The following MDM1 variants were observed in gnomAD, a reference collection of about 807,000 sequenced individuals.
MDM1 encodes stabilizer of axonemal microtubules 6.
In MDM1, 61 loss-of-function variants were observed where a neutral mutation model predicts 89.1. The ratio of observed to expected loss-of-function variants is 0.68; its 90% CI spans 0.56 to 0.85. The LOEUF (loss-of-function observed/expected upper bound fraction) is 0.85, where lower values mean the gene tolerates loss of function less well. Ranked by LOEUF, MDM1 falls within the 40% of genes least tolerant of loss-of-function variation. The pLI is 0.00. For missense variants in MDM1, 820 were observed against 846.5 expected, an observed-to-expected ratio of 0.97 and a Z score of 0.39; for synonymous variants, 290 against 294.1, an observed-to-expected ratio of 0.99 and a Z score of 0.14.
intron 2 of MDM1, chr12:68,330,810 CT>C (rs1371996240): frequency 5.5e-5 from 17 of 309,270 alleles, no homozygotes; most frequent in African/African-American, 2.2e-4. Context: ...AGGGCACTGG[CT>C]TTTTTTAGCT....
chr12:68,296,165 A>C (rs1028526372), intron 14 of MDM1, among the ~76,000 whole-genome samples: 1 of 152,236 alleles, frequency 6.6e-6, no homozygotes, highest in Non-Finnish European at 1.5e-5. Flanking sequence ...TATTGAATTC[A>C]AGTCTCCTGC....
rs145082615 is a variant in MDM1, at chr12:68,326,707, C to T, written c.448G>A (p.Val150Met). Reference sequence around the variant, plus strand: ...ACCTTGGTAGAATGTTCCAGTTCCACATTTTCATTAACTGGTGTATGGTTT... The same window carrying T: ...ACCTTGGTAGAATGTTCCAGTTCCATATTTTCATTAACTGGTGTATGGTTT... The part of the protein sequence containing the change: ...VTNHTPVNEN[V>M]ELEHSTKVLS... Residue 150 changes from valine to methionine, a missense_variant, in exon 3 of 15, where the codon GTG becomes ATG. Transcript: ENST00000682720. 526 of 1,614,172 alleles carry T rather than the reference C, an allele frequency of 3.3e-4. 1 individual carries two copies. The Middle Eastern group carries it at 3.6e-3, about 11-fold the overall frequency.
At chr12:68,312,186 G>A (rs957264945) in intron 12 of MDM1, among the ~76,000 whole-genome samples, 2 of 152,068 alleles carry the variant, frequency 1.3e-5, no homozygotes, top group African/African-American at 2.4e-5. Context: ...AAGCTATAAA[G>A]AGCCTCAAAT....
intron 13 of MDM1, among the ~76,000 whole-genome samples, chr12:68,299,877 A>G (rs1871912181): frequency 6.6e-6 from 1 of 152,226 alleles, no homozygotes; most frequent in Non-Finnish European, 1.5e-5. Context: ...ACCAAGGCAC[A>G]TAGTCATCAG....
rs755638918 is a variant in MDM1 at position 68,325,578 on chromosome 12, G to A, written c.499-3C>T. 7 of 1,507,352 alleles carry A rather than the reference G, an allele frequency of 4.6e-6. No individual in the cohort carries two copies. Among genetic ancestry groups the A allele is most frequent in the East Asian group, 2.4e-5 (1 of 41,408 alleles). 93.4% of individuals were successfully genotyped at this position (1,507,352 alleles called of 1,614,324 possible). ...TTCTTACGCAGAAGTCTATCCAACT[G>A]TTCAAAAAACAAAATCCACTCAAAG... is the stretch of plus-strand genomic sequence containing the variant. On this transcript the variant is annotated splice_region_variant and splice_polypyrimidine_tract_variant and intron_variant, in intron 3 of 14. Coordinates refer to ENST00000682720, the MANE Select transcript of MDM1 (RefSeq NM_001354969.2).
Position 68,313,547 on chromosome 12 carries a change from C to T in MDM1, c.1645G>A (p.Ala549Thr). The T allele has an allele frequency of 8.1e-6, 13 of 1,613,030 alleles. No individual in the cohort carries two copies. The highest frequency in any genetic ancestry group is 1.1e-5 in the Non-Finnish European group (13 of 1,179,204). ...HDLTTPAVGGAVLVSPSKMKP... is the reference protein window; with the variant it reads ...HDLTTPAVGGTVLVSPSKMKP... ...ATCTTAGATGGAGACACTAAAACAG[C>T]ACCACCTGGAAAAATAAAGATGACA... The change falls in exon 12 of 15, where the codon GCT becomes ACT. Residue 549 changes from alanine (A) to threonine (T), a missense_variant. Physicochemically the swap from Ala to Thr is moderately conservative, Grantham distance 58. Transcript: ENST00000682720.
rs576144642 is a variant in MDM1, at chr12:68,302,962, C to T, written c.1750-90G>A. ...AACATTTAAATGCAAAAAACATAAC[C>T]AAAAAGCAGAAGGAGAAATATGAGA... On this transcript the variant is annotated intron_variant, in intron 12 of 14. Transcript: ENST00000682720. 8.4e-5 allele frequency: 100 copies of T among 1,188,052 alleles called. 1 individual carries two copies. In the South Asian group the frequency reaches 1.5e-3, roughly 18 times the overall value. 73.6% of individuals were successfully genotyped at this position (1,188,052 alleles called of 1,614,324 possible). A position where few individuals can be genotyped will look rare whatever the true frequency, so the allele number is the denominator to read the frequency against.
At chr12:68,323,285 G>A in intron 4 of MDM1, 45 bp from the exon 5 acceptor site, 1 of 1,413,684 alleles carries the variant, frequency 7.1e-7, no homozygotes, top group Non-Finnish European at 9.6e-7. Flanking sequence ...GATTAAATAT[G>A]CGGAACTTTG....
Position 68,331,119 on chromosome 12 carries a change from A to G in MDM1, c.121T>C (p.Ser41Pro). The G allele has an allele frequency of 6.3e-7, 1 of 1,593,630 alleles. No homozygotes were observed. The highest frequency in any genetic ancestry group is 8.6e-7 in the Non-Finnish European group (1 of 1,161,284). ...GRKYPWAGLR[S>P]DQLGITKEPS... is the part of the protein sequence containing the mutation. ...CTGCTCAACTTACCTAATTGATCTG[A>G]TCTAAGTCCAGCCCATGGGTACTTT... The change falls in exon 2 of 15, where the codon TCA becomes CCA. Residue 41 changes from serine (S) to proline (P), a missense_variant. Ser to Pro is a moderately conservative substitution (Grantham distance 74, BLOSUM62 -1). Transcript: ENST00000682720.
At chr12:68,325,796 TA>T (rs920091989) in intron 3 of MDM1, 11 of 1,178,634 alleles carry the variant, frequency 9.3e-6, no homozygotes, top group Non-Finnish European at 9.4e-6. Context: ...AATTCCTTTC[TA>T]TCAAAGGACT....
At chr12:68,321,749 T>C in intron 5 of MDM1, 121 bp from the exon 6 acceptor site, 2 of 560,348 alleles carry the variant, frequency 3.6e-6, no homozygotes, top group East Asian at 3.0e-5. Flanking sequence ...AAGCTTTAGA[T>C]ACTAAAGAAA....
At chr12:68,303,673 C>T (rs1872521885) in intron 12 of MDM1, among the ~76,000 whole-genome samples, 1 of 151,966 alleles carries the variant, frequency 6.6e-6, no homozygotes, top group Admixed American at 6.6e-5. Flanking sequence ...GATTGCACGT[C>T]GCCATAAAAA....
At chr12:68,313,957 C>T (rs1874086217) in intron 10 of MDM1, among the ~76,000 whole-genome samples, 1 of 151,908 alleles carries the variant, frequency 6.6e-6, no homozygotes, top group Non-Finnish European at 1.5e-5. Flanking sequence ...CATGGTGAAA[C>T]CCCATCTCTA....
At chr12:68,303,636 G>C (rs1220951308) in intron 12 of MDM1, among the ~76,000 whole-genome samples, 1 of 152,100 alleles carries the variant, frequency 6.6e-6, no homozygotes, top group East Asian at 1.9e-4. Flanking sequence ...TAAGCATCTG[G>C]TTTTAAAAAA....
intron 13 of MDM1, among the ~76,000 whole-genome samples, chr12:68,301,908 C>G (rs1259892761): frequency 6.6e-6 from 1 of 151,998 alleles, no homozygotes; most frequent in Non-Finnish European, 1.5e-5. Flanking sequence ...AAATTCCTGG[C>G]CTCAAATGAT....
chr12:68,296,021 A>G (rs2120682145), intron 14 of MDM1, among the ~76,000 whole-genome samples: 1 of 152,318 alleles, frequency 6.6e-6, no homozygotes, highest in East Asian at 1.9e-4. Flanking sequence ...AAAGTCCTAA[A>G]CCTGCTAAAC....
At chr12:68,305,566 C>T (rs1024320724) in intron 12 of MDM1, among the ~76,000 whole-genome samples, 3 of 152,046 alleles carry the variant, frequency 2.0e-5, no homozygotes, top group South Asian at 4.1e-4. Context: ...TTTCAGGATA[C>T]AAAAATTAAC....
chr12:68,303,201 G>T (rs1872455744), intron 12 of MDM1, among the ~76,000 whole-genome samples: 1 of 152,064 alleles, frequency 6.6e-6, no homozygotes, highest in South Asian at 2.1e-4. Flanking sequence ...GTAGAAAAAG[G>T]ATATGAATAA....
chr12:68,326,956 T>C lies in MDM1; in HGVS notation c.199A>G (p.Lys67Glu). ...RVPYHDPQIS[K>E]SLEWNGAISE... ...ATAGCTCCATTCCACTCCAGAGATT[T>C]TGAAATCTGTGGGTCATGGTAAGGG... Residue 67 changes from lysine (K) to glutamate (E), a missense_variant, in exon 3 of 15, where the codon AAA (lysine) becomes GAA (glutamate). Physicochemically the swap from Lys to Glu is moderately conservative, Grantham distance 56. Coordinates refer to ENST00000682720, the MANE Select transcript of MDM1 (RefSeq NM_001354969.2). 1 of 1,613,818 alleles carries C rather than the reference T, an allele frequency of 6.2e-7. No individual in the cohort carries two copies. Among genetic ancestry groups the C allele is most frequent in the Non-Finnish European group, 8.5e-7 (1 of 1,179,980 alleles).
Sources: allele counts gnomAD v4.1 joint callset (sites outside exome capture counted in the v4.1 genomes callset), GRCh38; gene constraint gnomAD v4.1.1; transcripts MANE v1.5; gene names NCBI Gene and HGNC (gene_info 2026-07-23, HGNC 2026-07-21).